PLCL2: variants seen among roughly 807,000 people sequenced by gnomAD.
PLCL2 encodes phospholipase C like 2, also known as inactive phospholipase C-like protein 2.
Under a neutral mutation model 79.6 loss-of-function variants are expected in PLCL2, and 4 were observed. That is an observed-to-expected ratio of 0.05 (90% CI 0.02 to 0.11). PLCL2 has a LOEUF of 0.11. PLCL2 is among the 10% of genes least tolerant of loss of function. The pLI, the probability that PLCL2 is intolerant of heterozygous loss-of-function variation, is 1.00. For synonymous variants in PLCL2, 484 were observed against 457.7 expected, an observed-to-expected ratio of 1.06 and a Z score of -0.73; for missense variants, 895 against 1,291.0, an observed-to-expected ratio of 0.69 and a Z score of 4.70.
In PLCL2 at chr3:16,980,312, G is replaced by A. The variant is rs1299833017; in HGVS notation, c.328-29362G>A. 2.7e-5 allele frequency among the ~76,000 whole-genome samples: 4 copies of A among 149,516 alleles called. No individual in the cohort carries two copies. In the East Asian group the frequency reaches 6.2e-4, roughly 23 times the overall value. ...TCCCTCTTGGACGGGGCGGCTGGCC[G>A]GGCGGAGACGCTCCTCACTTCCCAG... On this transcript the variant is annotated intron_variant, in intron 1 of 5. Transcript: ENST00000615277.
At chr3:17,052,869 C>T (rs11128815) in intron 4 of PLCL2, among the ~76,000 whole-genome samples, 90,623 of 152,122 alleles carry the variant, frequency 0.6, 27,502 homozygotes, top group African/African-American at 0.71. Flanking sequence ...GAATATAGTA[C>T]ATAATACATA....
chr3:16,970,782 T>C (rs1376301548), intron 1 of PLCL2, among the ~76,000 whole-genome samples: 2 of 147,798 alleles, frequency 1.4e-5, no homozygotes, highest in Admixed American at 6.7e-5. Flanking sequence ...TATCTCATTG[T>C]GGTTTTGATT....
intron 3 of PLCL2, among the ~76,000 whole-genome samples, chr3:17,039,143 C>T (rs576371993): frequency 2.0e-5 from 3 of 152,328 alleles, no homozygotes; most frequent in African/African-American, 7.2e-5. Context: ...TCAACCAACA[C>T]TTGTACTATT....
rs937902906 is a variant in PLCL2, at chr3:17,052,184, C to T, written c.3094+9235C>T. Among the ~76,000 whole-genome samples, 9 of 138,916 alleles carry T rather than the reference C, an allele frequency of 6.5e-5. No homozygotes were observed. In the East Asian group the frequency reaches 1.5e-3, roughly 23 times the overall value. 91.1% of individuals were successfully genotyped at this position (138,916 alleles called of 152,430 possible). On this transcript the variant is annotated intron_variant, in intron 4 of 5. Coordinates refer to ENST00000615277, the MANE Select transcript of PLCL2 (RefSeq NM_001144382.2). ...GGAGAAAACCGTCCAGATGTTCACA[C>T]GATTTATAACAGAGCTGCTGAAAGA...
intron 5 of PLCL2, among the ~76,000 whole-genome samples, chr3:17,085,206 C>T (rs1452517312): frequency 6.6e-6 from 1 of 152,064 alleles, no homozygotes; most frequent in East Asian, 1.9e-4. Flanking sequence ...ATGATCATGG[C>T]TCACTGCAGC....
At chr3:17,046,390 C>T (rs1467080927) in intron 4 of PLCL2, among the ~76,000 whole-genome samples, 1 of 152,122 alleles carries the variant, frequency 6.6e-6, no homozygotes, top group Admixed American at 6.6e-5. Flanking sequence ...AAAACTGCAG[C>T]CCATTTTTGG....
intron 1 of PLCL2, among the ~76,000 whole-genome samples, chr3:16,983,038 A>G (rs2064016035): frequency 6.6e-6 from 1 of 151,968 alleles, no homozygotes; most frequent in Non-Finnish European, 1.5e-5. Flanking sequence ...TTAAGTTTTT[A>G]TATTAATTTA....
chr3:16,885,451 G>A lies in PLCL2; in HGVS notation c.327+85G>A, dbSNP rs143902689. On this transcript the variant is annotated intron_variant, in intron 1 of 5. Coordinates refer to ENST00000615277, the MANE Select transcript of PLCL2 (RefSeq NM_001144382.2). ...CCTGGGGGAGTGGTGGTGGAAGGAG[G>A]AAGCCCACTGCTAACAGGAACCACT... The A allele has an allele frequency of 2.4e-3, 1,241 of 522,734 alleles. 12 individuals carry two copies. Among genetic ancestry groups the A allele is most frequent in the African/African-American group, 0.023 (1,130 of 49,762 alleles). 32.4% of individuals were successfully genotyped at this position (522,734 alleles called of 1,614,324 possible).
intron 1 of PLCL2, among the ~76,000 whole-genome samples, chr3:16,904,496 T>TTGAATGA (rs1696706531): frequency 6.6e-6 from 1 of 152,128 alleles, no homozygotes; most frequent in African/African-American, 2.4e-5. Context: ...TCTCAGCCCT[T>TTGAATGA]TGAATGAGGC....
intron 3 of PLCL2, among the ~76,000 whole-genome samples, chr3:17,027,449 G>A (rs1423265200): frequency 6.6e-6 from 1 of 152,152 alleles, no homozygotes; most frequent in Non-Finnish European, 1.5e-5. Flanking sequence ...GTTGAGTAGG[G>A]TAGTTGCGAC....
At position 17,014,872 on chromosome 3, in the gene PLCL2, G is replaced by C; in HGVS notation, c.2979G>C (p.Val993=). ...CCACAATGGAGCTGCAGGGAATTGT[G>C]CCGGAGGTTCTGAAGAAGATCGTAA... The part of the protein sequence containing the change: ...QYPTMELQGI[V]PEVLKKIVTT... Residue 993 remains valine (V), a synonymous_variant, in exon 3 of 6, where the codon GTG becomes GTC. Transcript: ENST00000615277. 1 of 1,614,164 alleles carries C rather than the reference G, an allele frequency of 6.2e-7. No homozygotes were observed.
chr3:16,945,565 T>C (rs1269457424), intron 1 of PLCL2, among the ~76,000 whole-genome samples: 7 of 152,204 alleles, frequency 4.6e-5, no homozygotes, highest in Admixed American at 4.6e-4. Context: ...ACCACCTCTC[T>C]TGTGACTTTT....
At chr3:17,024,435 A>G (rs1045331228) in intron 3 of PLCL2, among the ~76,000 whole-genome samples, 1 of 152,168 alleles carries the variant, frequency 6.6e-6, no homozygotes, top group African/African-American at 2.4e-5. Context: ...ATCAAACACT[A>G]CTGGCAATAG....
At chr3:17,021,215 C>CA (rs2064448072) in intron 3 of PLCL2, among the ~76,000 whole-genome samples, 1 of 152,094 alleles carries the variant, frequency 6.6e-6, no homozygotes, top group African/African-American at 2.4e-5. Context: ...ATGCATCCTA[C>CA]AGAGTGATGA....
At chr3:16,973,941 A>T (rs1177142836) in intron 1 of PLCL2, among the ~76,000 whole-genome samples, 1 of 152,214 alleles carries the variant, frequency 6.6e-6, no homozygotes, top group African/African-American at 2.4e-5. Context: ...ATAGTAGGAG[A>T]GTTAGACCTT....
chr3:17,041,079 C>T (rs181275928), intron 3 of PLCL2, among the ~76,000 whole-genome samples: 263 of 152,258 alleles, frequency 1.7e-3, no homozygotes, highest in South Asian at 4.1e-3. Context: ...TTACTGATGA[C>T]GGTATGGACC....
intron 3 of PLCL2, among the ~76,000 whole-genome samples, chr3:17,029,317 C>T (rs1189174207): frequency 6.6e-6 from 1 of 151,498 alleles, no homozygotes; most frequent in Non-Finnish European, 1.5e-5. Flanking sequence ...ATCTGCAATT[C>T]CCTCCTTAAA....
chr3:16,993,527 G>T (rs2064124707), intron 1 of PLCL2, among the ~76,000 whole-genome samples: 1 of 152,174 alleles, frequency 6.6e-6, no homozygotes, highest in South Asian at 2.1e-4. Flanking sequence ...TTAAAGCCTT[G>T]TTAGAATTGG....
chr3:17,046,866 G>C (rs1318562299), intron 4 of PLCL2, among the ~76,000 whole-genome samples: 1 of 152,144 alleles, frequency 6.6e-6, no homozygotes. Flanking sequence ...GTTAAAGCTA[G>C]TTATAAAAGA....
Sources: gnomAD v4.1 joint callset for allele counts (sites outside exome capture counted in the v4.1 genomes callset) on GRCh38, gnomAD v4.1.1 for gene constraint, MANE v1.5 for transcripts, NCBI Gene and HGNC (gene_info 2026-07-23, HGNC 2026-07-21) for gene names.